FAM185A: variants seen among roughly 807,000 people sequenced by gnomAD.
FAM185A encodes family with sequence similarity 185 member A.
In FAM185A, 21 loss-of-function variants were observed where a neutral mutation model predicts 45.7. The ratio of observed to expected loss-of-function variants is 0.46; its 90% CI spans 0.33 to 0.66. The LOEUF (loss-of-function observed/expected upper bound fraction) is 0.66. FAM185A is among the 30% of genes least tolerant of loss of function. The pLI is 0.03. For synonymous variants in FAM185A, 117 were observed against 194.0 expected, an observed-to-expected ratio of 0.60 and a Z score of 3.30; for missense variants, 305 against 485.4, an observed-to-expected ratio of 0.63 and a Z score of 3.49.
chr7:102,819,404 A>T, the FAM185A span, among the ~76,000 whole-genome samples: 7 of 152,114 alleles, frequency 4.6e-5, no homozygotes, highest in Admixed American at 4.6e-4. Flanking sequence ...CTTCTGCAGG[A>T]AACTCTCCTG....
chr7:102,750,685 A>C (rs773529127), intron 1 of FAM185A, among the ~76,000 whole-genome samples: 13 of 152,170 alleles, frequency 8.5e-5, no homozygotes, highest in Non-Finnish European at 1.8e-4. Flanking sequence ...GGTTTCAGGA[A>C]TCAAGTGGGG....
the FAM185A span, among the ~76,000 whole-genome samples, chr7:102,838,069 C>G: frequency 2.0e-5 from 3 of 152,194 alleles, no homozygotes; most frequent in African/African-American, 7.2e-5. Flanking sequence ...ATACTAAGCC[C>G]AGTCCTTCTT....
chr7:102,809,840 GT>G (rs1229712176), downstream of FAM185A, among the ~76,000 whole-genome samples: 1 of 152,202 alleles, frequency 6.6e-6, no homozygotes, highest in African/African-American at 2.4e-5. Context: ...AGTGTTGGAG[GT>G]GGGGCCTGAT....
rs139183412 is a variant in FAM185A at position 102,807,069 on chromosome 7, C to T, written c.1067-1221C>T. On this transcript the variant is annotated intron_variant, in intron 7 of 7. Transcript: ENST00000413034. ...AATAATTACGCTGAATGAAAGAAGA[C>T]GGATTTTTTTAAAAAGAGTGCATAA... Among the ~76,000 whole-genome samples, 20 of 152,116 alleles carry T rather than the reference C, an allele frequency of 1.3e-4. 1 individual carries two copies. The East Asian group carries it at 2.7e-3, about 21-fold the overall frequency.
chr7:102,796,868 A>G lies in FAM185A; in HGVS notation c.1066+9399A>G, dbSNP rs538018395. ...AAAAGAAGACCAAAATTGAATTTCT[A>G]TAAATGAAAACTACAGTGTCTGAGA... On this transcript the variant is annotated intron_variant, in intron 7 of 7. Transcript: ENST00000413034. Among the ~76,000 whole-genome samples, 471 of 152,340 alleles carry G rather than the reference A, an allele frequency of 3.1e-3. 2 individuals carry two copies. Among genetic ancestry groups the G allele is most frequent in the Non-Finnish European group, 2.7e-3 (182 of 68,036 alleles).
chr7:102,783,539 C>T (rs531644759), intron 6 of FAM185A, among the ~76,000 whole-genome samples: 1 of 152,318 alleles, frequency 6.6e-6, no homozygotes, highest in Non-Finnish European at 1.5e-5. Context: ...ACAACCTGCT[C>T]TTGAATGACT....
At chr7:102,843,219 G>A in the FAM185A span, among the ~76,000 whole-genome samples, 2 of 152,140 alleles carry the variant, frequency 1.3e-5, no homozygotes, top group Admixed American at 6.5e-5. Flanking sequence ...TGAGACAGGC[G>A]GATCACCTGA....
chr7:102,761,389 T>A lies in FAM185A; in HGVS notation c.771T>A (p.Asp257Glu). Residue 257 changes from aspartate (D) to glutamate (E), a missense_variant, in exon 4 of 8, where the codon GAT becomes GAA. Transcript: ENST00000413034. ...CATTTCTGTCTTCTGCTGCTGGGGA[T>A]ATTACATTAGGAAGTGTTCATGGTA... Reference protein sequence around the residue: ...ESSFLSSAAGDITLGSVHGNI... With the variant: ...ESSFLSSAAGEITLGSVHGNI... 2.0e-6 allele frequency: 3 copies of A among 1,536,772 alleles called. No individual in the cohort carries two copies. The highest frequency in any genetic ancestry group is 2.6e-6 in the Non-Finnish European group (3 of 1,141,858).
intron 5 of FAM185A, among the ~76,000 whole-genome samples, chr7:102,776,958 A>G (rs548637102): frequency 1.1e-4 from 17 of 152,258 alleles, no homozygotes; most frequent in African/African-American, 4.1e-4. Context: ...GGTCAAAGGA[A>G]CCATTACTTG....
intron 7 of FAM185A, among the ~76,000 whole-genome samples, chr7:102,807,904 C>CA (rs1381113913): frequency 1.3e-5 from 2 of 151,990 alleles, no homozygotes; most frequent in Non-Finnish European, 2.9e-5. Flanking sequence ...ACCAAAAATA[C>CA]AAAAAAATTA....
chr7:102,755,871 A>G (rs931627277), intron 2 of FAM185A: 4 of 665,642 alleles, frequency 6.0e-6, no homozygotes, highest in Non-Finnish European at 1.1e-5. Context: ...CCTGGGTCCC[A>G]AGTCTGTGGC....
the FAM185A span, among the ~76,000 whole-genome samples, chr7:102,832,013 A>G: frequency 2.6e-5 from 4 of 152,358 alleles, no homozygotes; most frequent in Non-Finnish European, 4.4e-5. Context: ...TATTTTAAAA[A>G]ACAAGGCAAA....
At chr7:102,849,737 G>A in the FAM185A span, among the ~76,000 whole-genome samples, 1 of 152,180 alleles carries the variant, frequency 6.6e-6, no homozygotes, top group Non-Finnish European at 1.5e-5. Context: ...TGGGCTGGAG[G>A]AGGCAAGGGG....
chr7:102,785,998 G>A (rs184319982), intron 6 of FAM185A, among the ~76,000 whole-genome samples: 69 of 152,016 alleles, frequency 4.5e-4, no homozygotes, highest in Admixed American at 2.8e-3. Flanking sequence ...AAAACAAACA[G>A]CCCCATCAAA....
the FAM185A span, chr7:102,832,779 C>T: frequency 6.3e-7 from 1 of 1,596,324 alleles, no homozygotes; most frequent in Non-Finnish European, 8.5e-7. Flanking sequence ...GATCGCTGTC[C>T]TGCCTTGTCC....
At chr7:102,762,826 G>A (rs1794188508) in intron 4 of FAM185A, among the ~76,000 whole-genome samples, 9 of 142,384 alleles carry the variant, frequency 6.3e-5, no homozygotes, top group Admixed American at 5.8e-4. Flanking sequence ...TGAAGCAAAT[G>A]GTTTTGTTAC....
At chr7:102,756,446 A>G (rs1216541301) in intron 2 of FAM185A, among the ~76,000 whole-genome samples, 1 of 151,586 alleles carries the variant, frequency 6.6e-6, no homozygotes, top group Non-Finnish European at 1.5e-5. Context: ...TCACGAGGTC[A>G]AGAGATCGAG....
At chr7:102,826,732 T>TATATATAC in the FAM185A span, among the ~76,000 whole-genome samples, 1 of 40,404 alleles carries the variant, frequency 2.5e-5, no homozygotes, top group Non-Finnish European at 4.1e-5. Context: ...CTCATATATA[T>TATATATAC]ATATATATAT....
At chr7:102,813,303 A>G (rs1195160857), downstream of FAM185A, 23 of 1,553,876 alleles carry the variant, frequency 1.5e-5, no homozygotes, top group Non-Finnish European at 2.0e-5. Context: ...AAACTTGCCA[A>G]GTTCTTGATT....
Sources: gnomAD v4.1 joint callset for allele counts (sites outside exome capture counted in the v4.1 genomes callset) on GRCh38, gnomAD v4.1.1 for gene constraint, MANE v1.5 for transcripts, NCBI Gene and HGNC (gene_info 2026-07-23, HGNC 2026-07-21) for gene names.